Variants in MOV10L1 observed in about 807,000 individuals in gnomAD.
MOV10L1 encodes Mov10 like RNA helicase 1, also known as RNA helicase Mov10l1.
Under a neutral mutation model 143.8 loss-of-function variants are expected in MOV10L1, and 110 were observed. The ratio of observed to expected loss-of-function variants is 0.76; its 90% CI spans 0.66 to 0.90. The LOEUF is 0.90. MOV10L1 is among the 40% of genes least tolerant of loss of function. The probability of loss-of-function intolerance (pLI) is 0.00; values close to 1 mark genes in which losing one functional copy is unlikely to be tolerated. For synonymous variants in MOV10L1, 593 were observed against 581.1 expected (o/e 1.02, Z -0.29); for missense variants, 1,406 against 1,526.8 (o/e 0.92, Z 1.32).
chr22:50,145,914 CAG>C (rs1413121143), intron 19 of MOV10L1, 104 bp downstream of exon 19: 16 of 1,522,462 alleles, frequency 1.1e-5, no homozygotes, highest in Non-Finnish European at 1.3e-5. Context: ...ACTCAGTGCT[CAG>C]GGAGGGAGGC....
chr22:50,160,308 G>A (rs1185980543), intron 24 of MOV10L1, among the ~76,000 whole-genome samples: 25 of 148,800 alleles, frequency 1.7e-4, no homozygotes, highest in Admixed American at 2.7e-4. Context: ...GTGCAGTGGC[G>A]CGATCTCGGC....
At chr22:50,115,076 C>G (rs760062266) in intron 7 of MOV10L1, 38 bp from the exon 8 acceptor site, 10 of 1,544,514 alleles carry the variant, frequency 6.5e-6, no homozygotes, top group African/African-American at 2.8e-5. Context: ...GATAATTTAC[C>G]TTTTGGTCAA....
At chr22:50,142,441 A>C (rs893966599) in intron 16 of MOV10L1, among the ~76,000 whole-genome samples, 1 of 152,086 alleles carries the variant, frequency 6.6e-6, no homozygotes, top group Non-Finnish European at 1.5e-5. Context: ...TCCAGTCTCT[A>C]ATATTTGAGT....
rs2062204510 is a variant in MOV10L1, at chr22:50,117,212, G to C, written c.1315G>C (p.Gly439Arg). ...LLLCFSDFLI[G>R]RYLEVNVISG... ...GCTCTGTTTTTCCGATTTCCTAATT[G>C]GGCGATACCTTGAAGTAAATGTTAT... Residue 439 changes from glycine (G) to arginine (R), a missense_variant, in exon 9 of 27, where the codon GGG (glycine) becomes CGG (arginine). By Grantham distance (125) the Gly-to-Arg change is moderately radical. Coordinates refer to ENST00000262794, the MANE Select transcript of MOV10L1 (RefSeq NM_018995.3). 1.9e-6 allele frequency: 3 copies of C among 1,613,364 alleles called. No individual in the cohort carries two copies. Among genetic ancestry groups the C allele is most frequent in the Non-Finnish European group, 2.5e-6 (3 of 1,179,710 alleles).
At chr22:50,110,456 A>C (rs901135423) in intron 5 of MOV10L1, among the ~76,000 whole-genome samples, 1 of 151,940 alleles carries the variant, frequency 6.6e-6, no homozygotes, top group African/African-American at 2.4e-5. Context: ...CTCAAAAAAA[A>C]AAAAAAGACT....
At chr22:50,131,944 G>A (rs971581101) in intron 13 of MOV10L1, among the ~76,000 whole-genome samples, 1 of 152,176 alleles carries the variant, frequency 6.6e-6, no homozygotes, top group East Asian at 1.9e-4. Flanking sequence ...GAAGCCCAAG[G>A]TCAAGGCACC....
chr22:50,128,328 C>G (rs1424808019), intron 12 of MOV10L1, 88 bp from the exon 13 acceptor site: 7 of 758,280 alleles, frequency 9.2e-6, no homozygotes, highest in Middle Eastern at 2.5e-4. Flanking sequence ...TAGCTCAGAG[C>G]TATAGAATGA....
rs1242250398 is a variant in MOV10L1 at position 50,148,483 on chromosome 22, C to T, written c.2628-1132C>T. ...CTTCCCGCAAAATCCCCACCCCGTC[C>T]ATCAGCAACGCTGTGGACTCTCTGC... is the stretch of plus-strand genomic sequence containing the variant. On this transcript the variant is annotated intron_variant, in intron 19 of 26. Transcript: ENST00000262794. Among the ~76,000 whole-genome samples, 10 of 152,272 alleles carry T rather than the reference C, an allele frequency of 6.6e-5. No individual in the cohort carries two copies. The South Asian group carries it at 1.9e-3, about 28-fold the overall frequency.
chr22:50,097,100 A>G (rs1000457194), intron 2 of MOV10L1, among the ~76,000 whole-genome samples: 1 of 152,128 alleles, frequency 6.6e-6, no homozygotes, highest in African/African-American at 2.4e-5. Flanking sequence ...CTTTTAAATT[A>G]AAGTCTTTGA....
chr22:50,107,135 C>T (rs1274946409), intron 3 of MOV10L1, among the ~76,000 whole-genome samples: 5 of 151,334 alleles, frequency 3.3e-5, no homozygotes, highest in Admixed American at 6.6e-5. Context: ...AGTGCAGTGG[C>T]GTGATCTCAG....
chr22:50,111,027 G>A (rs1397369158), intron 5 of MOV10L1, among the ~76,000 whole-genome samples: 1 of 152,148 alleles, frequency 6.6e-6, no homozygotes, highest in East Asian at 1.9e-4. Context: ...TTGTGGGGCA[G>A]CCCCAGCTCT....
chr22:50,098,180 A>C (rs2062637631), intron 2 of MOV10L1, among the ~76,000 whole-genome samples: 1 of 147,090 alleles, frequency 6.8e-6, no homozygotes, highest in African/African-American at 2.5e-5. Context: ...TGTCATCTTA[A>C]TAATTAAGTC....
At chr22:50,139,636 A>C (rs904288769) in intron 15 of MOV10L1, among the ~76,000 whole-genome samples, 1 of 152,236 alleles carries the variant, frequency 6.6e-6, no homozygotes, top group African/African-American at 2.4e-5. Context: ...CTGATCAAGA[A>C]CTTGTATTCG....
At chr22:50,097,685 A>G (rs1212938846) in intron 2 of MOV10L1, among the ~76,000 whole-genome samples, 1 of 152,218 alleles carries the variant, frequency 6.6e-6, no homozygotes, top group Non-Finnish European at 1.5e-5. Context: ...ATCAGGAGGT[A>G]TGAAACCTTC....
intron 2 of MOV10L1, 132 bp downstream of exon 2, chr22:50,092,317 T>A (rs2062470204): frequency 1.3e-6 from 1 of 790,612 alleles, no homozygotes; most frequent in Admixed American, 2.8e-5. Flanking sequence ...AGGGGATGCT[T>A]TTGCTCTTTA....
chr22:50,100,334 A>T (rs1158272318), intron 3 of MOV10L1, among the ~76,000 whole-genome samples: 1 of 152,006 alleles, frequency 6.6e-6, no homozygotes, highest in Non-Finnish European at 1.5e-5. Context: ...TTTTGTGTTC[A>T]TTTGTTAAAT....
chr22:50,150,620 C>T, intron 20 of MOV10L1, 115 bp from the exon 21 acceptor site: 1 of 1,233,152 alleles, frequency 8.1e-7, no homozygotes, highest in Non-Finnish European at 1.1e-6. Flanking sequence ...CCGTCGTCCC[C>T]TGCAGCAAGA....
intron 12 of MOV10L1, among the ~76,000 whole-genome samples, chr22:50,127,182 G>A (rs1440306141): frequency 6.6e-6 from 1 of 152,076 alleles, no homozygotes; most frequent in East Asian, 1.9e-4. Flanking sequence ...TAGACCAGCT[G>A]TGCCAAGAAA....
intron 16 of MOV10L1, 58 bp downstream of exon 16, chr22:50,142,247 G>C (rs922248344): frequency 5.5e-6 from 8 of 1,450,720 alleles, no homozygotes; most frequent in Admixed American, 2.0e-5. Context: ...CCTGGAAAAC[G>C]GGGACTTTGA....
Sources: gnomAD v4.1 joint callset for allele counts (sites outside exome capture counted in the v4.1 genomes callset) on GRCh38, gnomAD v4.1.1 for gene constraint, MANE v1.5 for transcripts, NCBI Gene and HGNC (gene_info 2026-07-23, HGNC 2026-07-21) for gene names.